Variants in CFDP1 observed in about 807,000 individuals in gnomAD.
The protein encoded by CFDP1 is heterochromatin-stabilizing protein CFDP1.
CFDP1 carries 31 observed loss-of-function variants against 40.1 expected under a neutral mutation model. The observed-to-expected ratio is 0.77, with a 90% confidence interval of 0.58 to 1.04. CFDP1 has a LOEUF of 1.04. CFDP1 is among the 50% of genes least tolerant of loss of function. The pLI is 0.00. For synonymous variants in CFDP1, 167 were observed against 120.0 expected (o/e 1.39, Z -2.56); for missense variants, 423 against 343.4 (o/e 1.23, Z -1.83).
intron 5 of CFDP1, among the ~76,000 whole-genome samples, chr16:75,364,678 A>G (rs2078702046): frequency 6.6e-6 from 1 of 152,218 alleles, no homozygotes; most frequent in Admixed American, 6.5e-5. Context: ...ATTTTTTTGT[A>G]TTGGAAAATA....
At chr16:75,433,122 C>G (rs970749315) in intron 1 of CFDP1, among the ~76,000 whole-genome samples, 167 bp downstream of exon 1, 1 of 152,184 alleles carries the variant, frequency 6.6e-6, no homozygotes, top group African/African-American at 2.4e-5. Flanking sequence ...GCACACGCCT[C>G]GGGCCGGAGC....
At chr16:75,312,913 ATTCT>A (rs1020110069) in intron 5 of CFDP1, among the ~76,000 whole-genome samples, 9 of 152,244 alleles carry the variant, frequency 5.9e-5, no homozygotes, top group African/African-American at 2.2e-4. Flanking sequence ...AAGGACATTC[ATTCT>A]GAGAATGTCA....
intron 4 of CFDP1, among the ~76,000 whole-genome samples, chr16:75,411,267 T>A (rs886804203): frequency 6.6e-6 from 1 of 151,896 alleles, no homozygotes; most frequent in Admixed American, 6.6e-5. Flanking sequence ...TAGCTGGGTA[T>A]GGTGGCGTGT....
chr16:75,358,259 C>G (rs1005901749), intron 5 of CFDP1, among the ~76,000 whole-genome samples: 1 of 152,050 alleles, frequency 6.6e-6, no homozygotes, highest in African/African-American at 2.4e-5. Flanking sequence ...CAACTCAAAC[C>G]TTCAATGTGT....
intron 1 of CFDP1, among the ~76,000 whole-genome samples, chr16:75,421,470 G>T (rs906374023): frequency 6.6e-6 from 1 of 152,112 alleles, no homozygotes; most frequent in South Asian, 2.1e-4. Flanking sequence ...AAAAAAGATA[G>T]TAAGAATCAG....
At chr16:75,358,856 A>G (rs957510383) in intron 5 of CFDP1, among the ~76,000 whole-genome samples, 4 of 152,056 alleles carry the variant, frequency 2.6e-5, no homozygotes, top group Admixed American at 1.3e-4. Context: ...TTTGATTGGC[A>G]CTGATATTAA....
chr16:75,404,380 C>A lies in CFDP1; in HGVS notation c.530+7445G>T, dbSNP rs542323979. On this transcript the variant is annotated intron_variant, in intron 4 of 6. Transcript: ENST00000283882. Reference sequence around the variant, plus strand: ...CCTCCTACAGGCACCCGCCACTGCACCCAGCTAATTTTTTGTATTTTTAGT... The same window carrying A: ...CCTCCTACAGGCACCCGCCACTGCAACCAGCTAATTTTTTGTATTTTTAGT... 3.3e-4 allele frequency among the ~76,000 whole-genome samples: 50 copies of A among 151,738 alleles called. No homozygotes were observed. The South Asian group carries it at 9.6e-3, about 29-fold the overall frequency.
intron 2 of CFDP1, among the ~76,000 whole-genome samples, chr16:75,414,071 G>C (rs538862843): frequency 7.2e-5 from 11 of 152,204 alleles, no homozygotes; most frequent in African/African-American, 2.4e-4. Context: ...ATACAGGAAA[G>C]CCTAAATAAA....
chr16:75,432,860 C>T (rs2151612116), intron 1 of CFDP1, among the ~76,000 whole-genome samples: 1 of 152,282 alleles, frequency 6.6e-6, no homozygotes, highest in East Asian at 1.9e-4. Context: ...TCAGAACTTT[C>T]TAACAACCAG....
chr16:75,356,890 A>G (rs1301282251), intron 5 of CFDP1, among the ~76,000 whole-genome samples: 1 of 146,700 alleles, frequency 6.8e-6, no homozygotes, highest in African/African-American at 2.5e-5. Flanking sequence ...CTTCCATGTT[A>G]TGGAAACAGC....
chr16:75,405,380 C>T (rs1007219131), intron 4 of CFDP1, among the ~76,000 whole-genome samples: 2 of 152,078 alleles, frequency 1.3e-5, no homozygotes, highest in Non-Finnish European at 2.9e-5. Flanking sequence ...GTAATCCCAA[C>T]ACTTTGGGAG....
intron 1 of CFDP1, among the ~76,000 whole-genome samples, chr16:75,418,252 C>CAAAAA (rs34789992): frequency 1.8e-5 from 1 of 57,002 alleles, no homozygotes; most frequent in Non-Finnish European, 3.0e-5. Context: ...AACTCTGTCT[C>CAAAAA]AAAAAAAAAA....
chr16:75,305,362 A>C (rs2078249941), intron 5 of CFDP1, 180 bp from the exon 6 acceptor site: 1 of 614,242 alleles, frequency 1.6e-6, no homozygotes, highest in South Asian at 2.1e-5. Context: ...TGGAATTCTA[A>C]TGTGCTTTTC....
At chr16:75,359,608 T>G (rs974523533) in intron 5 of CFDP1, among the ~76,000 whole-genome samples, 1 of 152,196 alleles carries the variant, frequency 6.6e-6, no homozygotes. Context: ...GAGACTCCAA[T>G]GCAGTCATGA....
chr16:75,433,254 G>A (rs764227093), intron 1 of CFDP1, 35 bp downstream of exon 1: 2 of 1,565,270 alleles, frequency 1.3e-6, no homozygotes, highest in East Asian at 4.7e-5. Context: ...GTGGGGCGGG[G>A]CAATTCGCTT....
chr16:75,328,735 G>C (rs961627362), intron 5 of CFDP1, among the ~76,000 whole-genome samples: 3 of 150,580 alleles, frequency 2.0e-5, no homozygotes, highest in Admixed American at 6.6e-5. Flanking sequence ...CTGGAGTACA[G>C]TGGTGTGATC....
chr16:75,412,110 C>A (rs1359420596), intron 3 of CFDP1, among the ~76,000 whole-genome samples, 158 bp from the exon 4 acceptor site: 1 of 152,182 alleles, frequency 6.6e-6, no homozygotes, highest in Non-Finnish European at 1.5e-5. Flanking sequence ...CCCCACCTCC[C>A]AGGTTAAAGC....
chr16:75,420,586 T>G (rs550780641), intron 1 of CFDP1, among the ~76,000 whole-genome samples: 1 of 152,216 alleles, frequency 6.6e-6, no homozygotes, highest in Non-Finnish European at 1.5e-5. Context: ...ATGTGTAGTA[T>G]TGAACTCAAC....
intron 6 of CFDP1, among the ~76,000 whole-genome samples, chr16:75,298,645 G>C (rs2078200762): frequency 6.6e-6 from 1 of 152,206 alleles, no homozygotes; most frequent in South Asian, 2.1e-4. Context: ...CAGAGATACA[G>C]ACTTTGCTGC....
Sources: gnomAD v4.1 joint callset for allele counts (sites outside exome capture counted in the v4.1 genomes callset) on GRCh38, gnomAD v4.1.1 for gene constraint, MANE v1.5 for transcripts, NCBI Gene and HGNC (gene_info 2026-07-23, HGNC 2026-07-21) for gene names.